FTSJ3: variants seen among roughly 807,000 people sequenced by gnomAD.
The protein encoded by FTSJ3 is pre-rRNA 2'-O-ribose RNA methyltransferase FTSJ3.
A neutral mutation model predicts 111.5 loss-of-function variants in FTSJ3; 46 were observed. That is an observed-to-expected ratio of 0.41 (90% CI 0.33 to 0.53). The LOEUF (loss-of-function observed/expected upper bound fraction) is 0.53, where lower values mean the gene tolerates loss of function less well. FTSJ3 is among the 20% of genes least tolerant of loss of function. The pLI is 0.19. For synonymous variants in FTSJ3, 408 were observed against 383.0 expected (o/e 1.07, Z -0.76); for missense variants, 1,075 against 1,063.8 (o/e 1.01, Z -0.15).
intron 18 of FTSJ3, 36 bp from the exon 19 acceptor site, chr17:63,820,474 T>A: frequency 6.2e-7 from 1 of 1,600,212 alleles, no homozygotes; most frequent in Non-Finnish European, 8.6e-7. Flanking sequence ...TATCCAACAT[T>A]CCAGGCTTTC....
In FTSJ3 at chr17:63,820,383, T is replaced by G. The variant is rs528270360; in HGVS notation, c.2128A>C (p.Lys710Gln). The change falls in exon 19 of 21, where the codon AAG becomes CAG. Residue 710 changes from lysine to glutamine, a missense_variant. Transcript: ENST00000427159. ...GGCAACTGTCGTATCCGGTGCTGCT[T>G]TTCCTCTTGCACAAACCACTCCGGA... ...ELPEWFVQEE[K>Q]QHRIRQLPVG... 6.2e-7 allele frequency: 1 copy of G among 1,614,158 alleles called. No homozygotes were observed. The highest frequency in any genetic ancestry group is 8.5e-7 in the Non-Finnish European group (1 of 1,180,032).
chr17:63,826,232 A>G, intron 4 of FTSJ3, 26 bp downstream of exon 4: 1 of 1,613,588 alleles, frequency 6.2e-7, no homozygotes, highest in Non-Finnish European at 8.5e-7. Flanking sequence ...CCCTTAAAAC[A>G]CCAAGGAGAG....
At position 63,820,381 on chromosome 17, in the gene FTSJ3, C is replaced by A; in HGVS notation, c.2130G>T (p.Lys710Asn). 1 of 1,614,186 alleles carries A rather than the reference C, an allele frequency of 6.2e-7. No individual in the cohort carries two copies. Among genetic ancestry groups the A allele is most frequent in the Non-Finnish European group, 8.5e-7 (1 of 1,180,038 alleles). Residue 710 changes from lysine to asparagine, a missense_variant, in exon 19 of 21, where the codon AAG becomes AAT. Lys to Asn is a moderately conservative substitution (Grantham distance 94, BLOSUM62 0). Coordinates refer to ENST00000427159, the MANE Select transcript of FTSJ3 (RefSeq NM_017647.4). ...ELPEWFVQEE[K>N]QHRIRQLPVG... Reference sequence around the variant, plus strand: ...CAGGCAACTGTCGTATCCGGTGCTGCTTTTCCTCTTGCACAAACCACTCCG... The same window carrying A: ...CAGGCAACTGTCGTATCCGGTGCTGATTTTCCTCTTGCACAAACCACTCCG...
At position 63,820,099 on chromosome 17, in the gene FTSJ3, C is replaced by T; in HGVS notation, c.2331G>A (p.Glu777=). 1 of 1,614,148 alleles carries T rather than the reference C, an allele frequency of 6.2e-7. No homozygotes were observed. Among genetic ancestry groups the T allele is most frequent in the South Asian group, 1.1e-5 (1 of 91,078 alleles). ...VVNTVDISER[E]KVAQLRSLYK... is the part of the protein sequence containing the mutation. The stretch of plus-strand genomic sequence containing the variant: ...ATTACCTTCGCAGCTGTGCCACTTT[C>T]TCTCGTTCTGAGATGTCCACTGTGT... The change falls in exon 20 of 21, where the codon GAG becomes GAA. Residue 777 remains glutamate, a synonymous_variant. Coordinates refer to ENST00000427159, the MANE Select transcript of FTSJ3 (RefSeq NM_017647.4).
chr17:63,819,933 T>A lies in FTSJ3; in HGVS notation c.2413A>T (p.Lys805Ter). The A allele has an allele frequency of 6.2e-7, 1 of 1,614,210 alleles. No individual in the cohort carries two copies. Among genetic ancestry groups the A allele is most frequent in the Non-Finnish European group, 8.5e-7 (1 of 1,180,040 alleles). Residue 805 changes from lysine to a stop codon, truncating the protein, a stop_gained, in exon 21 of 21, where the codon AAA becomes TAA. Coordinates refer to ENST00000427159, the MANE Select transcript of FTSJ3 (RefSeq NM_017647.4). LOFTEE classifies it high-confidence loss of function. ...KRHVTYVVAK[K>*]GVGRKVRRPA... The stretch of plus-strand genomic sequence containing the variant: ...CGGCGCACTTTGCGGCCCACACCTT[T>A]TTTGGCTACAACGTAGGTGACATGG...
In FTSJ3 at chr17:63,827,063, G is replaced by T. The variant is rs1409262510; in HGVS notation, c.-38C>A. 5.8e-6 allele frequency: 4 copies of T among 690,102 alleles called. No homozygotes were observed. Among genetic ancestry groups the T allele is most frequent in the East Asian group, 5.3e-5 (2 of 37,802 alleles). 42.7% of individuals were successfully genotyped at this position (690,102 alleles called of 1,614,324 possible). A position where few individuals can be genotyped will look rare whatever the true frequency, so the allele number is the denominator to read the frequency against. On this transcript the variant is annotated 5_prime_UTR_variant, in exon 1 of 21. Transcript: ENST00000427159. ...TCTCCGCACACTACCTAGACCCAGA[G>T]CCGCTTTCTCCACACTTGGAACCGC...
rs185709641 is a variant in FTSJ3 at position 63,825,511 on chromosome 17, T to C, written c.400+25A>G. 5.4e-4 allele frequency: 863 copies of C among 1,612,832 alleles called. 3 individuals are homozygous for C. Among genetic ancestry groups the C allele is most frequent in the South Asian group, 7.6e-4 (69 of 91,064 alleles). On this transcript the variant is annotated intron_variant, in intron 6 of 20. Coordinates refer to ENST00000427159, the MANE Select transcript of FTSJ3 (RefSeq NM_017647.4). ...TGCGCCCACCTCCACCATCACCTGATCTCCAAGCACCACACTCCCTGTACC... is the reference window on the plus strand; with the variant it reads ...TGCGCCCACCTCCACCATCACCTGACCTCCAAGCACCACACTCCCTGTACC...
Position 63,819,956 on chromosome 17 carries a change from T to A in FTSJ3, c.2390A>T (p.His797Leu). The change falls in exon 21 of 21, where the codon CAT (histidine) becomes CTT (leucine). Residue 797 changes from histidine to leucine, a missense_variant. His to Leu is a moderately conservative substitution (Grantham distance 99, BLOSUM62 -3). Coordinates refer to ENST00000427159, the MANE Select transcript of FTSJ3 (RefSeq NM_017647.4). ...TTTTTTGGCTACAACGTAGGTGACA[T>A]GGCGTTTCTCCTTGCCAAGCCCAGC... is the stretch of plus-strand genomic sequence containing the variant. The part of the protein sequence containing the change: ...KKAGLGKEKR[H>L]VTYVVAKKGV... 6.2e-7 allele frequency: 1 copy of A among 1,614,198 alleles called. No homozygotes were observed. Among genetic ancestry groups the A allele is most frequent in the Middle Eastern group, 1.6e-4 (1 of 6,062 alleles).
chr17:63,824,382 C>T lies in FTSJ3; in HGVS notation c.947G>A (p.Arg316Gln), dbSNP rs771981934. The part of the protein sequence containing the change: ...RSLLNWRTKL[R>Q]RYVAKKLKEQ... ...TTTCAGCTTCTTGGCCACATATCGC[C>T]GAAGTTTTGTTCTCCAGTTTAGTAG... The change falls in exon 11 of 21, where the codon CGG (arginine) becomes CAG (glutamine). Residue 316 changes from arginine to glutamine, a missense_variant. Transcript: ENST00000427159. 8.1e-6 allele frequency: 13 copies of T among 1,614,156 alleles called. No individual in the cohort carries two copies. The East Asian group carries it at 8.9e-5, about 11-fold the overall frequency.
At chr17:63,822,461 C>T (rs1291014524) in intron 13 of FTSJ3, among the ~76,000 whole-genome samples, 1 of 152,210 alleles carries the variant, frequency 6.6e-6, no homozygotes, top group Non-Finnish European at 1.5e-5. Flanking sequence ...TTAACATATT[C>T]TACAACACTG....
chr17:63,819,911 C>T lies in FTSJ3; in HGVS notation c.2435G>A (p.Arg812His), dbSNP rs749821889. ...ATGACCTCTGACTCCAGCTGGCCGGCGCACTTTGCGGCCCACACCTTTTTT... is the reference window on the plus strand; with the variant it reads ...ATGACCTCTGACTCCAGCTGGCCGGTGCACTTTGCGGCCCACACCTTTTTT... ...VAKKGVGRKVRRPAGVRGHFK... is the reference protein window; with the variant it reads ...VAKKGVGRKVHRPAGVRGHFK... Residue 812 changes from arginine (R) to histidine (H), a missense_variant, in exon 21 of 21, where the codon CGC becomes CAC. Physicochemically the swap from Arg to His is conservative, Grantham distance 29. Coordinates refer to ENST00000427159, the MANE Select transcript of FTSJ3 (RefSeq NM_017647.4). 14 of 1,614,042 alleles carry T rather than the reference C, an allele frequency of 8.7e-6. No homozygotes were observed. Among genetic ancestry groups the T allele is most frequent in the Admixed American group, 3.3e-5 (2 of 60,008 alleles).
chr17:63,820,272 C>T lies in FTSJ3; in HGVS notation c.2239G>A (p.Ala747Thr), dbSNP rs1028089465. ...RPIKKVAEAK[A>T]RKKRRMLKRL... Reference sequence around the variant, plus strand: ...TCACTTACCCTCCTTTTCTTTCTAGCCTTAGCCTCAGCCACCTTCTTGATG... The same window carrying T: ...TCACTTACCCTCCTTTTCTTTCTAGTCTTAGCCTCAGCCACCTTCTTGATG... The change falls in exon 19 of 21, where the codon GCT (alanine) becomes ACT (threonine). Residue 747 changes from alanine to threonine, a missense_variant. Ala to Thr is a moderately conservative substitution (Grantham distance 58). Around this residue, in one of 2 missense-constraint regions of FTSJ3, gnomAD observed 867 missense variants for 796.9 expected, o/e 1.09. Transcript: ENST00000427159. 9 of 1,552,814 alleles carry T rather than the reference C, an allele frequency of 5.8e-6. No individual in the cohort carries two copies. The highest frequency in any genetic ancestry group is 7.9e-6 in the Non-Finnish European group (9 of 1,144,140).
Position 63,824,230 on chromosome 17 carries a change from A to C in FTSJ3, c.1008T>G (p.Ser336=). Reference sequence around the variant, plus strand: ...CCTCATCACCTTCATCTTCCTCTCCAGAGCTGAGGCTGGCAAAACAGTCCC... The same window carrying C: ...CCTCATCACCTTCATCTTCCTCTCCCGAGCTGAGGCTGGCAAAACAGTCCC... ...QAKALDISLS[S]GEEDEGDEED... is the part of the protein sequence containing the mutation. The change falls in exon 12 of 21, where the codon TCT becomes TCG. Residue 336 remains serine (S), a synonymous_variant. Transcript: ENST00000427159. The C allele has an allele frequency of 6.2e-7, 1 of 1,614,104 alleles. No homozygotes were observed. Among genetic ancestry groups the C allele is most frequent in the Non-Finnish European group, 8.5e-7 (1 of 1,180,030 alleles).
rs1324648548 is a variant in FTSJ3, at chr17:63,820,839, C to T, written c.2072G>A (p.Arg691Gln). The T allele has an allele frequency of 5.0e-6, 8 of 1,609,202 alleles. No homozygotes were observed. Among genetic ancestry groups the T allele is most frequent in the South Asian group, 1.1e-5 (1 of 90,966 alleles). ...KRDLIDNSFN[R>Q]YTFNEDEGEL... ...CTTGATGAGTTTATGGCCCCTTTAC[C>T]GGTTGAAGGAGTTATCTATGAGGTC... Residue 691 changes from arginine (R) to glutamine (Q), a missense_variant and splice_region_variant, in exon 18 of 21, where the codon CGG (arginine) becomes CAG (glutamine). Arg to Gln is a conservative substitution (Grantham distance 43). Around this residue, in one of 2 missense-constraint regions of FTSJ3, gnomAD observed 867 missense variants for 796.9 expected, o/e 1.09. Transcript: ENST00000427159.
chr17:63,825,766 G>C (rs1222123731), intron 5 of FTSJ3, 131 bp from the exon 6 acceptor site: 2 of 740,844 alleles, frequency 2.7e-6, no homozygotes, highest in African/African-American at 3.5e-5. Flanking sequence ...AGATACAATA[G>C]TAAACAAAAA....
rs765335510 is a variant in FTSJ3 at position 63,826,643 on chromosome 17, T to C, written c.97A>G (p.Ile33Val). The C allele has an allele frequency of 1.9e-6, 3 of 1,614,032 alleles. No homozygotes were observed. In the Admixed American group the frequency reaches 5.0e-5, roughly 27 times the overall value. The stretch of plus-strand genomic sequence containing the variant: ...AACTGAAAGCGGCGATTGAGCTGGA[T>C]CAGCTTGAAAGCAGATCGGGAACGG... ...GYRSRSAFKL[I>V]QLNRRFQFLQ... The change falls in exon 3 of 21, where the codon ATC (isoleucine) becomes GTC (valine). Residue 33 changes from isoleucine to valine, a missense_variant. Coordinates refer to ENST00000427159, the MANE Select transcript of FTSJ3 (RefSeq NM_017647.4).
chr17:63,824,045 G>A (rs1196436891), intron 12 of FTSJ3, 39 bp downstream of exon 12: 2 of 1,613,924 alleles, frequency 1.2e-6, no homozygotes, highest in East Asian at 4.5e-5. Context: ...CACAGTCCCT[G>A]CGTTGGGGAA....
rs1394790162 is a variant in FTSJ3 at position 63,820,139 on chromosome 17, G to A, written c.2291C>T (p.Ala764Val). The A allele has an allele frequency of 1.2e-6, 2 of 1,614,090 alleles. No homozygotes were observed. Among genetic ancestry groups the A allele is most frequent in the South Asian group, 2.2e-5 (2 of 91,074 alleles). Residue 764 changes from alanine to valine, a missense_variant, in exon 20 of 21, where the codon GCA becomes GTA. Physicochemically the swap from Ala to Val is moderately conservative, Grantham distance 64. Coordinates refer to ENST00000427159, the MANE Select transcript of FTSJ3 (RefSeq NM_017647.4). ...GTCCACTGTGTTCACCACGGCTTCTGCCTTCTTCCTGGTCTGCTCCAGCCT... is the reference window on the plus strand; with the variant it reads ...GTCCACTGTGTTCACCACGGCTTCTACCTTCTTCCTGGTCTGCTCCAGCCT... ...LKRLEQTRKK[A>V]EAVVNTVDIS...
chr17:63,826,357 G>A, intron 3 of FTSJ3, 53 bp from the exon 4 acceptor site: 1 of 1,546,878 alleles, frequency 6.5e-7, no homozygotes, highest in Middle Eastern at 1.7e-4. Context: ...TCCCCCTCTT[G>A]GCAACTGATC....
Sources: allele counts gnomAD v4.1 joint callset (sites outside exome capture counted in the v4.1 genomes callset), GRCh38; gene constraint gnomAD v4.1.1; regional missense constraint gnomAD v4.1.1; transcripts MANE v1.5; gene names NCBI Gene and HGNC (gene_info 2026-07-23, HGNC 2026-07-21).